Variants in FTO observed in about 807,000 individuals in gnomAD.
FTO encodes the protein FTO alpha-ketoglutarate dependent dioxygenase, also known as alpha-ketoglutarate-dependent dioxygenase FTO.
In FTO, 47 loss-of-function variants were observed where a neutral mutation model predicts 63.9. The ratio of observed to expected loss-of-function variants is 0.74; its 90% CI spans 0.58 to 0.94. The LOEUF (loss-of-function observed/expected upper bound fraction) is 0.94. Among genes scored for constraint, FTO ranks in the 40% least tolerant of loss-of-function variants. The pLI, the probability that FTO is intolerant of heterozygous loss-of-function variation, is 0.00. For missense variants in FTO, 562 were observed against 618.1 expected, an observed-to-expected ratio of 0.91 and a Z score of 0.96; for synonymous variants, 207 against 224.4, an observed-to-expected ratio of 0.92 and a Z score of 0.69.
chr16:54,021,050 C>T (rs1421864997), intron 8 of FTO, among the ~76,000 whole-genome samples: 3 of 152,110 alleles, frequency 2.0e-5, no homozygotes, highest in African/African-American at 4.8e-5. Context: ...CATCTTTTTT[C>T]CCACATAACA....
At position 54,111,215 on chromosome 16, in the gene FTO, C is replaced by T. The variant is rs573683961; in HGVS notation, c.1365-547C>T. Among the ~76,000 whole-genome samples the T allele has an allele frequency of 8.7e-4, 133 of 152,296 alleles. 4 individuals are homozygous for T. The South Asian group carries it at 0.027, about 30-fold the overall frequency. On this transcript the variant is annotated intron_variant, in intron 8 of 8. Coordinates refer to ENST00000471389, the MANE Select transcript of FTO (RefSeq NM_001080432.3). ...TTATTAACCTCTATTTGCATATATC[C>T]TTATAAATCGGTCTCTCCTTGGAGT...
chr16:53,998,820 A>T (rs1489929189), intron 8 of FTO: 1 of 152,236 alleles, frequency 6.6e-6, no homozygotes, highest in Non-Finnish European at 1.5e-5. Flanking sequence ...TCTTACTATT[A>T]GTCTGATTGA....
At chr16:53,872,001 C>A (rs1316501181) in intron 4 of FTO, among the ~76,000 whole-genome samples, 1 of 152,042 alleles carries the variant, frequency 6.6e-6, no homozygotes, top group Non-Finnish European at 1.5e-5. Context: ...TACTGAGATT[C>A]CAGGCATGAG....
At chr16:54,109,028 G>A (rs2086818194) in intron 8 of FTO, among the ~76,000 whole-genome samples, 1 of 152,216 alleles carries the variant, frequency 6.6e-6, no homozygotes, top group Non-Finnish European at 1.5e-5. Context: ...AGTCTGGCAT[G>A]ATTCTAAATC....
rs2081075127 is a variant in FTO, at chr16:53,888,823, G to T, written c.1120-9G>T. The T allele has an allele frequency of 6.2e-7, 1 of 1,613,840 alleles. No individual in the cohort carries two copies. Reference sequence around the variant, plus strand: ...ATTAAAACCACCATCTTCTCTTTATGGTCCACAGGTCGAGTTTGAGTGGCT... The same window carrying T: ...ATTAAAACCACCATCTTCTCTTTATTGTCCACAGGTCGAGTTTGAGTGGCT... On this transcript the variant is annotated splice_polypyrimidine_tract_variant and intron_variant, in intron 6 of 8. Transcript: ENST00000471389.
intron 8 of FTO, among the ~76,000 whole-genome samples, chr16:54,057,292 G>A (rs2085458512): frequency 2.0e-5 from 3 of 152,214 alleles, no homozygotes; most frequent in Admixed American, 2.0e-4. Flanking sequence ...GCTGACCACT[G>A]TGGAAGAGAG....
chr16:53,821,983 G>A (rs1259880072), intron 2 of FTO, among the ~76,000 whole-genome samples: 2 of 152,124 alleles, frequency 1.3e-5, no homozygotes, highest in Non-Finnish European at 1.5e-5. Flanking sequence ...TATGCTGGAG[G>A]GTCTTGCAGT....
chr16:53,826,350 C>A lies in FTO; in HGVS notation c.610C>A (p.Leu204Met), dbSNP rs760541418. The A allele has an allele frequency of 1.2e-6, 2 of 1,614,046 alleles. No homozygotes were observed. The highest frequency in any genetic ancestry group is 2.7e-5 in the African/African-American group (2 of 74,912). Reference protein sequence around the residue: ...KSRAAYNVTLLNFMDPQKMPY... With the variant: ...KSRAAYNVTLMNFMDPQKMPY... The stretch of plus-strand genomic sequence containing the variant: ...CAGAGCAGCATACAACGTAACTTTG[C>A]TGAATTTCATGGATCCTCAGAAAAT... Residue 204 changes from leucine to methionine, a missense_variant, in exon 3 of 9, where the codon CTG becomes ATG. Transcript: ENST00000471389.
intron 7 of FTO, among the ~76,000 whole-genome samples, chr16:53,903,372 C>A (rs145464491): frequency 6.6e-6 from 1 of 151,904 alleles, no homozygotes; most frequent in Admixed American, 6.6e-5. Flanking sequence ...GATTCTCCTG[C>A]CTCAGCCTCC....
chr16:53,786,412 CTG>C (rs1336784279), intron 1 of FTO, among the ~76,000 whole-genome samples: 1 of 152,114 alleles, frequency 6.6e-6, no homozygotes, highest in Non-Finnish European at 1.5e-5. Flanking sequence ...AACACACACT[CTG>C]TATCTTTTGG....
At chr16:53,798,989 C>T (rs2078151090) in intron 1 of FTO, among the ~76,000 whole-genome samples, 1 of 152,082 alleles carries the variant, frequency 6.6e-6, no homozygotes, top group Non-Finnish European at 1.5e-5. Flanking sequence ...TCAGGTGACC[C>T]TCTAGTTTTT....
At chr16:54,020,361 ACCATGAAGACATTGCTT>A (rs1399431093) in intron 8 of FTO, among the ~76,000 whole-genome samples, 1 of 152,206 alleles carries the variant, frequency 6.6e-6, no homozygotes, top group Admixed American at 6.5e-5. Flanking sequence ...TTTCCTATAC[ACCATGAAGACATTGCTT>A]CCAGTAGGTT....
intron 4 of FTO, among the ~76,000 whole-genome samples, chr16:53,851,415 C>T (rs1398373867): frequency 6.7e-6 from 1 of 150,354 alleles, no homozygotes; most frequent in South Asian, 2.1e-4. Flanking sequence ...GTCAAGATTG[C>T]ACCACTGCAC....
At chr16:53,762,898 T>C (rs190001754) in intron 1 of FTO, among the ~76,000 whole-genome samples, 1 of 152,306 alleles carries the variant, frequency 6.6e-6, no homozygotes, top group East Asian at 1.9e-4. Context: ...AATCAATATC[T>C]CATGATTTAC....
chr16:54,006,357 G>A (rs1336444734), intron 8 of FTO, among the ~76,000 whole-genome samples: 1 of 152,088 alleles, frequency 6.6e-6, no homozygotes, highest in Admixed American at 6.6e-5. Context: ...GGATCAGAAA[G>A]ATTCTTTGCT....
intron 2 of FTO, 60 bp downstream of exon 2, chr16:53,810,277 C>A: frequency 1.6e-6 from 2 of 1,221,632 alleles, no homozygotes; most frequent in Non-Finnish European, 2.4e-6. Context: ...CCTTATTTTA[C>A]CTATGAGGAA....
At chr16:53,943,627 C>T (rs1365516113) in intron 8 of FTO, among the ~76,000 whole-genome samples, 1 of 152,162 alleles carries the variant, frequency 6.6e-6, no homozygotes, top group African/African-American at 2.4e-5. Flanking sequence ...TTTTCCTAAG[C>T]GGAACTCTGA....
intron 1 of FTO, among the ~76,000 whole-genome samples, chr16:53,738,021 G>T (rs55957998): frequency 0.018 from 2,420 of 136,416 alleles, 41 homozygotes; most frequent in Middle Eastern, 0.081. Context: ...TTGCACAATC[G>T]TAGCTTTTTT....
chr16:53,872,856 C>CT (rs1567383490), intron 4 of FTO, among the ~76,000 whole-genome samples: 1 of 152,120 alleles, frequency 6.6e-6, no homozygotes, highest in Non-Finnish European at 1.5e-5. Flanking sequence ...TTACAACTCT[C>CT]TTTTTTTGTA....
Sources: allele counts gnomAD v4.1 joint callset (sites outside exome capture counted in the v4.1 genomes callset), GRCh38; gene constraint gnomAD v4.1.1; transcripts MANE v1.5; gene names NCBI Gene and HGNC (gene_info 2026-07-23, HGNC 2026-07-21).